Variants in ANAPC13 observed in about 807,000 individuals in gnomAD.
The protein encoded by ANAPC13 is anaphase-promoting complex subunit 13.
A neutral mutation model predicts 9.6 loss-of-function variants in ANAPC13; 9 were observed. The observed-to-expected ratio is 0.94, with a 90% confidence interval of 0.57 to 1.64. ANAPC13 has a LOEUF of 1.64. Ranked by LOEUF, ANAPC13 falls within the 40% of genes most tolerant of loss-of-function variation. The pLI is 0.00. For synonymous variants in ANAPC13, 30 were observed against 29.7 expected, an observed-to-expected ratio of 1.01 and a Z score of -0.03; for missense variants, 75 against 85.3, an observed-to-expected ratio of 0.88 and a Z score of 0.48.
At chr3:134,485,929 C>G in intron 1 of ANAPC13, 23 bp downstream of exon 1, 4 of 959,028 alleles carry the variant, frequency 4.2e-6, no homozygotes, top group Non-Finnish European at 5.0e-6. Flanking sequence ...AAAACCTAGG[C>G]CGGGGGCGCT....
chr3:134,478,919 T>A (rs1934671297), intron 2 of ANAPC13, among the ~76,000 whole-genome samples: 1 of 152,186 alleles, frequency 6.6e-6, no homozygotes, highest in South Asian at 2.1e-4. Context: ...CAGTAGGGAA[T>A]GATGGGCATT....
chr3:134,482,026 A>G (rs545844381), intron 2 of ANAPC13, among the ~76,000 whole-genome samples: 5 of 152,338 alleles, frequency 3.3e-5, no homozygotes, highest in Admixed American at 6.5e-5. Context: ...ACATATTACT[A>G]TCTCTTATTC....
chr3:134,480,009 G>A (rs1215254922), intron 2 of ANAPC13, among the ~76,000 whole-genome samples: 1 of 152,138 alleles, frequency 6.6e-6, no homozygotes, highest in Non-Finnish European at 1.5e-5. Flanking sequence ...TTTGTAGTAT[G>A]TGAATATGTT....
In ANAPC13 at chr3:134,478,716, C is replaced by T. The variant is rs753976604; in HGVS notation, c.100-1G>A. 48 of 1,613,564 alleles carry T rather than the reference C, an allele frequency of 3.0e-5. No individual in the cohort carries two copies. The highest frequency in any genetic ancestry group is 3.8e-5 in the Non-Finnish European group (45 of 1,179,928). On this transcript the variant is annotated splice_acceptor_variant, in intron 2 of 2. Coordinates refer to ENST00000354910, the MANE Select transcript of ANAPC13 (RefSeq NM_015391.4). LOFTEE classifies it high-confidence loss of function. ...CTTGTTCAGGTTCAGGAAGCTCATT[C>T]TGAAAAGGTACAATAGAAATTCAGA...
At chr3:134,483,015 T>C (rs1313183749) in intron 1 of ANAPC13, 84 bp from the exon 2 acceptor site, 2 of 917,484 alleles carry the variant, frequency 2.2e-6, no homozygotes, top group East Asian at 2.4e-5. Context: ...GGCTTTTTAG[T>C]CTGGGGCCAC....
chr3:134,480,360 C>T (rs1934708771), intron 2 of ANAPC13, among the ~76,000 whole-genome samples: 1 of 152,240 alleles, frequency 6.6e-6, no homozygotes, highest in Non-Finnish European at 1.5e-5. Flanking sequence ...CATGCCAACA[C>T]ATAAAATGGC....
At position 134,485,841 on chromosome 3, in the gene ANAPC13, G is replaced by A. The variant is rs186406597; in HGVS notation, c.-28+111C>T. 3.6e-5 allele frequency: 12 copies of A among 329,376 alleles called. No individual in the cohort carries two copies. The East Asian group carries it at 2.0e-3, about 56-fold the overall frequency. 20.4% of individuals were successfully genotyped at this position (329,376 alleles called of 1,614,324 possible). Reference sequence around the variant, plus strand: ...GAGTGCAGTAAAGAAAAACGGTTATGAGCGTAAAGTGACAGCCTCGGCCGA... The same window carrying A: ...GAGTGCAGTAAAGAAAAACGGTTATAAGCGTAAAGTGACAGCCTCGGCCGA... On this transcript the variant is annotated intron_variant, in intron 1 of 2. Transcript: ENST00000354910.
chr3:134,483,168 G>C, intron 1 of ANAPC13: 1 of 466,006 alleles, frequency 2.1e-6, no homozygotes. Context: ...CATAGAGTGT[G>C]ACAGGAGAGC....
At chr3:134,481,591 A>G (rs1411093084) in intron 2 of ANAPC13, among the ~76,000 whole-genome samples, 5 of 152,212 alleles carry the variant, frequency 3.3e-5, no homozygotes, top group African/African-American at 1.2e-4. Context: ...TTACTTATCT[A>G]TAAGTGTTGC....
At chr3:134,484,686 T>C (rs1179996646) in intron 1 of ANAPC13, among the ~76,000 whole-genome samples, 2 of 152,226 alleles carry the variant, frequency 1.3e-5, no homozygotes, top group Non-Finnish European at 2.9e-5. Flanking sequence ...GTCTTACAAG[T>C]GCTCCCCACT....
At chr3:134,483,023 C>T (rs979405993) in intron 1 of ANAPC13, 92 bp from the exon 2 acceptor site, 19 of 853,704 alleles carry the variant, frequency 2.2e-5, no homozygotes, top group Non-Finnish European at 3.6e-5. Flanking sequence ...AGTCTGGGGC[C>T]ACCTTTTGGG....
chr3:134,482,669 A>G, intron 2 of ANAPC13, 137 bp downstream of exon 2: 1 of 764,570 alleles, frequency 1.3e-6, no homozygotes, highest in Non-Finnish European at 2.2e-6. Flanking sequence ...GATGCTCTCC[A>G]GAAGCTTCTA....
chr3:134,485,972 A>G lies in ANAPC13; in HGVS notation c.-48T>C, dbSNP rs907070533. On this transcript the variant is annotated 5_prime_UTR_variant, in exon 1 of 3. Transcript: ENST00000354910. ...CTTACCGGCACCCGGCCACCGCGGC[A>G]GACGCTTGCTCCTGCCACGCCCCCC... is the stretch of plus-strand genomic sequence containing the variant. The G allele has an allele frequency of 6.1e-5, 59 of 963,776 alleles. No homozygotes were observed. In the Admixed American group the frequency reaches 8.3e-4, roughly 14 times the overall value. 59.7% of individuals were successfully genotyped at this position (963,776 alleles called of 1,614,324 possible).
rs2107698390 is a variant in ANAPC13 at position 134,478,290 on chromosome 3, G to C, written c.*300C>G. On this transcript the variant is annotated 3_prime_UTR_variant, in exon 3 of 3. Transcript: ENST00000354910. The stretch of plus-strand genomic sequence containing the variant: ...GTTACAGGACACACATAAGTAGTTG[G>C]AAGGTGTTAAACTTTGACAGCAAAG... 3.3e-6 allele frequency: 1 copy of C among 301,184 alleles called. No homozygotes were observed. Among genetic ancestry groups the C allele is most frequent in the South Asian group, 4.1e-5 (1 of 24,470 alleles). 18.7% of individuals were successfully genotyped at this position (301,184 alleles called of 1,614,324 possible).
Position 134,485,936 on chromosome 3 carries a change from C to T in ANAPC13, c.-28+16G>A, listed in dbSNP as rs1479621366. On this transcript the variant is annotated intron_variant, in intron 1 of 2. Transcript: ENST00000354910. ...GCGCCTCCAAAACCTAGGCCGGGGG[C>T]GCTGGAAACCCTTACCGGCACCCGG... is the stretch of plus-strand genomic sequence containing the variant. 13 of 969,728 alleles carry T rather than the reference C, an allele frequency of 1.3e-5. No individual in the cohort carries two copies. In the East Asian group the frequency reaches 5.7e-4, roughly 43 times the overall value. 60.1% of individuals were successfully genotyped at this position (969,728 alleles called of 1,614,324 possible).
At position 134,478,354 on chromosome 3, in the gene ANAPC13, T is replaced by C. The variant is rs1410619694; in HGVS notation, c.*236A>G. The C allele has an allele frequency of 4.2e-6, 2 of 471,986 alleles. No individual in the cohort carries two copies. The highest frequency in any genetic ancestry group is 4.0e-5 in the African/African-American group (2 of 49,932). 29.2% of individuals were successfully genotyped at this position (471,986 alleles called of 1,614,324 possible). ...AGAGGCAAATGTTTAACCAATCATG[T>C]TCAAATATAAGCTACTCAATGAAGA... On this transcript the variant is annotated 3_prime_UTR_variant, in exon 3 of 3. Transcript: ENST00000354910.
intron 2 of ANAPC13, among the ~76,000 whole-genome samples, chr3:134,481,249 T>G (rs1934727449): frequency 2.6e-5 from 4 of 152,200 alleles, no homozygotes; most frequent in Admixed American, 2.6e-4. Context: ...CATTCCTGGA[T>G]CTCCTGAGGA....
intron 2 of ANAPC13, among the ~76,000 whole-genome samples, chr3:134,480,113 CAT>C (rs1358755036): frequency 1.4e-4 from 22 of 152,274 alleles, no homozygotes; most frequent in African/African-American, 4.6e-4. Flanking sequence ...CAGATTCAAA[CAT>C]ACTTGAACAG....
chr3:134,482,651 T>C, intron 2 of ANAPC13, 155 bp downstream of exon 2: 5 of 678,724 alleles, frequency 7.4e-6, no homozygotes, highest in South Asian at 1.8e-5. Flanking sequence ...AAATAAAACA[T>C]ACAACTGGAT....
Sources: allele counts gnomAD v4.1 joint callset (sites outside exome capture counted in the v4.1 genomes callset), GRCh38; gene constraint gnomAD v4.1.1; transcripts MANE v1.5; gene names NCBI Gene and HGNC (gene_info 2026-07-23, HGNC 2026-07-21).